Variants in GTF2A1L observed in about 807,000 individuals in gnomAD.
GTF2A1L encodes TFIIA-alpha and beta-like factor.
In GTF2A1L, 48 loss-of-function variants were observed where a neutral mutation model predicts 49.7. The ratio of observed to expected loss-of-function variants is 0.97; its 90% CI spans 0.77 to 1.23. GTF2A1L has a LOEUF of 1.23. Among genes scored for constraint, GTF2A1L ranks in the 50% most tolerant of loss-of-function variants. The probability of loss-of-function intolerance (pLI) is 0.00; values close to 1 mark genes in which losing one functional copy is unlikely to be tolerated. For missense variants in GTF2A1L, 736 were observed against 564.8 expected (o/e 1.30, Z -3.07); for synonymous variants, 246 against 193.5 (o/e 1.27, Z -2.25).
chr2:48,648,452 C>T (rs1677660106), intron 6 of GTF2A1L, among the ~76,000 whole-genome samples: 1 of 151,954 alleles, frequency 6.6e-6, no homozygotes, highest in South Asian at 2.1e-4. Context: ...TGTATGTCAT[C>T]ATGTACTTTT....
chr2:48,638,994 A>G (rs1375413420), intron 3 of GTF2A1L, among the ~76,000 whole-genome samples: 1 of 152,140 alleles, frequency 6.6e-6, no homozygotes, highest in Non-Finnish European at 1.5e-5. Flanking sequence ...ACAGCTAACC[A>G]GGGAGGTGAA....
At chr2:48,633,901 T>TTA (rs1676731858) in intron 3 of GTF2A1L, among the ~76,000 whole-genome samples, 1 of 152,134 alleles carries the variant, frequency 6.6e-6, no homozygotes, top group Non-Finnish European at 1.5e-5. Context: ...TTCTTTGTTT[T>TTA]TTATTGTTGG....
At chr2:48,653,792 G>T (rs1678002970) in intron 6 of GTF2A1L, among the ~76,000 whole-genome samples, 1 of 151,966 alleles carries the variant, frequency 6.6e-6, no homozygotes, top group Non-Finnish European at 1.5e-5. Flanking sequence ...AATTAGCTGG[G>T]CATGGTGGCA....
At chr2:48,621,681 T>G (rs185517077) in intron 3 of GTF2A1L, among the ~76,000 whole-genome samples, 32 of 152,330 alleles carry the variant, frequency 2.1e-4, no homozygotes, top group Non-Finnish European at 4.3e-4. Flanking sequence ...ATTTTTTGTG[T>G]ATATTATAAA....
rs1179585520 is a variant in GTF2A1L, at chr2:48,655,470, C to T, written c.978+8428C>T. On this transcript the variant is annotated intron_variant, in intron 6 of 8. Transcript: ENST00000403751. ...CTTCCCAAAGTGCTGGGATTATAGACGTATGAGCCACCATGCCCAGCCTAA... is the reference window on the plus strand; with the variant it reads ...CTTCCCAAAGTGCTGGGATTATAGATGTATGAGCCACCATGCCCAGCCTAA... Among the ~76,000 whole-genome samples the T allele has an allele frequency of 2.6e-5, 4 of 151,922 alleles. No homozygotes were observed. The South Asian group carries it at 6.2e-4, about 24-fold the overall frequency.
chr2:48,657,691 C>T (rs905660879), intron 6 of GTF2A1L, among the ~76,000 whole-genome samples: 1 of 151,720 alleles, frequency 6.6e-6, no homozygotes, highest in African/African-American at 2.4e-5. Context: ...TCCACAGTGG[C>T]TGAACTAATT....
intron 8 of GTF2A1L, among the ~76,000 whole-genome samples, chr2:48,678,722 C>G (rs1182253326): frequency 6.6e-6 from 1 of 152,040 alleles, no homozygotes; most frequent in Non-Finnish European, 1.5e-5. Flanking sequence ...TGACCTTGTT[C>G]AGTGCTTTAT....
intron 6 of GTF2A1L, among the ~76,000 whole-genome samples, chr2:48,648,951 G>A (rs1677693807): frequency 6.6e-6 from 1 of 152,078 alleles, no homozygotes; most frequent in African/African-American, 2.4e-5. Flanking sequence ...CTTTTTATAA[G>A]TAACTTAAAG....
intron 8 of GTF2A1L, among the ~76,000 whole-genome samples, chr2:48,674,602 C>A (rs1434756730): frequency 6.6e-6 from 1 of 151,928 alleles, no homozygotes; most frequent in African/African-American, 2.4e-5. Context: ...GTTTTAGTTT[C>A]TTATAAACAA....
At chr2:48,622,863 C>G (rs367708844) in intron 3 of GTF2A1L, among the ~76,000 whole-genome samples, 95 of 148,166 alleles carry the variant, frequency 6.4e-4, no homozygotes, top group African/African-American at 2.3e-3. Flanking sequence ...ATGGTGAACA[C>G]TTCTAAGATT....
chr2:48,661,847 A>C (rs184912083), intron 6 of GTF2A1L, among the ~76,000 whole-genome samples: 2 of 152,156 alleles, frequency 1.3e-5, no homozygotes, highest in Admixed American at 1.3e-4. Context: ...TTTTTTATCC[A>C]TTCTTCTAAA....
At position 48,618,039 on chromosome 2, in the gene GTF2A1L, T is replaced by C. The variant is rs570202490; in HGVS notation, c.21+144T>C. 8.3e-6 allele frequency: 7 copies of C among 844,810 alleles called. No homozygotes were observed. In the Admixed American group the frequency reaches 9.0e-5, roughly 11 times the overall value. 52.3% of individuals were successfully genotyped at this position (844,810 alleles called of 1,614,324 possible). On this transcript the variant is annotated intron_variant, in intron 1 of 8. Transcript: ENST00000403751. ...TCTTCCTTAGGGGCTGGGGCTCTTCTTCACGTCTGTGTTGGAGGAAGCTGC... is the reference window on the plus strand; with the variant it reads ...TCTTCCTTAGGGGCTGGGGCTCTTCCTCACGTCTGTGTTGGAGGAAGCTGC...
At chr2:48,647,599 C>G in intron 6 of GTF2A1L, among the ~76,000 whole-genome samples, 1 of 151,492 alleles carries the variant, frequency 6.6e-6, no homozygotes, top group East Asian at 1.9e-4. Context: ...TTTTTTCCTG[C>G]TCTACCTAAT....
intron 6 of GTF2A1L, among the ~76,000 whole-genome samples, chr2:48,651,894 G>A (rs1395741764): frequency 2.0e-5 from 3 of 152,098 alleles, no homozygotes; most frequent in African/African-American, 7.2e-5. Context: ...TGTGGTGGAC[G>A]TTTGGCTATA....
Position 48,646,928 on chromosome 2 carries a change from C to G in GTF2A1L, c.864C>G (p.His288Gln). 1 of 1,614,140 alleles carries G rather than the reference C, an allele frequency of 6.2e-7. No individual in the cohort carries two copies. Among genetic ancestry groups the G allele is most frequent in the Non-Finnish European group, 8.5e-7 (1 of 1,180,022 alleles). ...CCACAAGCCCTCATGGGGCTCTCCA[C>G]CAGCACGTGACTGATATTCAGCTTC... is the stretch of plus-strand genomic sequence containing the variant. ...SLSTSPHGAL[H>Q]QHVTDIQLHI... is the part of the protein sequence containing the mutation. The change falls in exon 6 of 9, where the codon CAC (histidine) becomes CAG (glutamine). Residue 288 changes from histidine to glutamine, a missense_variant. By Grantham distance (24) the His-to-Gln change is conservative. Coordinates refer to ENST00000403751, the MANE Select transcript of GTF2A1L (RefSeq NM_006872.5).
chr2:48,631,817 A>G (rs971315031), intron 3 of GTF2A1L, among the ~76,000 whole-genome samples: 10 of 152,048 alleles, frequency 6.6e-5, no homozygotes, highest in Non-Finnish European at 1.5e-5. Context: ...TCCTCTTAAT[A>G]CTGCTTTTGC....
intron 8 of GTF2A1L, 31 bp from the exon 9 acceptor site, chr2:48,679,304 T>A: frequency 6.3e-7 from 1 of 1,598,360 alleles, no homozygotes; most frequent in Non-Finnish European, 8.5e-7. Context: ...CTTGTAAAAT[T>A]AATTAATGTA....
At chr2:48,618,147 G>A in intron 1 of GTF2A1L, 3 of 506,994 alleles carry the variant, frequency 5.9e-6, no homozygotes, top group Admixed American at 3.7e-5. Flanking sequence ...CCAAACTGAG[G>A]CTATCTAGTT....
chr2:48,668,234 G>A (rs1384691179), intron 6 of GTF2A1L, among the ~76,000 whole-genome samples: 1 of 151,948 alleles, frequency 6.6e-6, no homozygotes, highest in Non-Finnish European at 1.5e-5. Context: ...CCATTTGCTT[G>A]GGCTACATTT....
Sources: allele counts gnomAD v4.1 joint callset (sites outside exome capture counted in the v4.1 genomes callset), GRCh38; gene constraint gnomAD v4.1.1; transcripts MANE v1.5; gene names NCBI Gene and HGNC (gene_info 2026-07-23, HGNC 2026-07-21).